Variants in HSPA4 observed in about 807,000 individuals in gnomAD.
HSPA4 encodes the protein heat shock protein family A (Hsp70) member 4.
In HSPA4, 25 loss-of-function variants were observed where a neutral mutation model predicts 106.2. The ratio of observed to expected loss-of-function variants is 0.24; its 90% CI spans 0.17 to 0.33. The LOEUF (loss-of-function observed/expected upper bound fraction) is 0.33, where lower values mean the gene tolerates loss of function less well. HSPA4 is among the 10% of genes least tolerant of loss of function. HSPA4 has a pLI of 1.00. For missense variants in HSPA4, 841 were observed against 996.0 expected, an observed-to-expected ratio of 0.84 and a Z score of 2.10; for synonymous variants, 332 against 333.6, an observed-to-expected ratio of 1.00 and a Z score of 0.05.
rs540903929 is a variant in HSPA4 at position 133,074,137 on chromosome 5, A to AT, written c.663+19dup. On this transcript the variant is annotated intron_variant, in intron 6 of 18. Coordinates refer to ENST00000304858, the MANE Select transcript of HSPA4 (RefSeq NM_002154.4). ...AGAGGAAAACTGAAAGTAAGTATAT[A>AT]TTTTTTTTCCAGAAGACTGTTAGTA... is the stretch of plus-strand genomic sequence containing the variant. 886 of 1,565,050 alleles carry AT rather than the reference A, an allele frequency of 5.7e-4. 2 individuals carry two copies. The highest frequency in any genetic ancestry group is 1.2e-3 in the Admixed American group (59 of 49,708).
At chr5:133,068,865 GC>G (rs1354476616) in intron 3 of HSPA4, among the ~76,000 whole-genome samples, 1 of 151,902 alleles carries the variant, frequency 6.6e-6, no homozygotes, top group African/African-American at 2.4e-5. Flanking sequence ...ACAAGTAGAT[GC>G]AAGTCTAAAA....
chr5:133,063,046 G>T (rs1156393099), intron 1 of HSPA4, among the ~76,000 whole-genome samples: 1 of 152,138 alleles, frequency 6.6e-6, no homozygotes, highest in South Asian at 2.1e-4. Flanking sequence ...ATCACCTAGA[G>T]TCCTGACTTC....
intron 12 of HSPA4, 49 bp downstream of exon 12, chr5:133,091,423 C>G (rs376561760): frequency 6.9e-7 from 1 of 1,439,168 alleles, no homozygotes; most frequent in African/African-American, 1.4e-5. Flanking sequence ...GGTGACTTGT[C>G]TAGAAATTGT....
At chr5:133,062,927 C>T (rs1765262059) in intron 1 of HSPA4, among the ~76,000 whole-genome samples, 1 of 152,148 alleles carries the variant, frequency 6.6e-6, no homozygotes, top group Non-Finnish European at 1.5e-5. Context: ...AGTAGTTCAT[C>T]TAATTTAGTC....
intron 1 of HSPA4, among the ~76,000 whole-genome samples, chr5:133,061,699 A>C (rs1463276243): frequency 6.6e-6 from 1 of 151,860 alleles, no homozygotes; most frequent in Non-Finnish European, 1.5e-5. Flanking sequence ...GGCTCACTAC[A>C]ACCTCCACAT....
chr5:133,065,859 T>A (rs1164404266), intron 2 of HSPA4, among the ~76,000 whole-genome samples: 1 of 152,186 alleles, frequency 6.6e-6, no homozygotes, highest in African/African-American at 2.4e-5. Context: ...GTCTGAGATA[T>A]CTGTAAAATT....
chr5:133,071,176 CAA>C (rs1056065584), intron 4 of HSPA4, among the ~76,000 whole-genome samples: 41 of 145,868 alleles, frequency 2.8e-4, no homozygotes, highest in African/African-American at 8.1e-4. Context: ...GCGTTAAAGA[CAA>C]AGGCAAGGAC....
intron 8 of HSPA4, among the ~76,000 whole-genome samples, chr5:133,087,660 G>T (rs555655229): frequency 6.6e-6 from 1 of 152,264 alleles, no homozygotes; most frequent in African/African-American, 2.4e-5. Flanking sequence ...GTCTTGCTCT[G>T]TCACCCAGGC....
In HSPA4 at chr5:133,104,178, CTTGTAAAA is replaced by C. The variant is rs1765825590; in HGVS notation, c.2320-52_2320-45del. 3 of 1,565,740 alleles carry C rather than the reference CTTGTAAAA, an allele frequency of 1.9e-6. No homozygotes were observed. The East Asian group carries it at 6.7e-5, about 35-fold the overall frequency. On this transcript the variant is annotated intron_variant, in intron 18 of 18. Transcript: ENST00000304858. Reference sequence around the variant, plus strand: ...GAGGGCGGATTTGGGTTTAGCATGGCTTGTAAAATTTGTTAATTTTATAAGAAACCAGT... The same window carrying C: ...GAGGGCGGATTTGGGTTTAGCATGGCTTTGTTAATTTTATAAGAAACCAGT...
chr5:133,072,403 T>G (rs1350455395), intron 4 of HSPA4, among the ~76,000 whole-genome samples: 1 of 141,038 alleles, frequency 7.1e-6, no homozygotes. Context: ...TTTTTTTTTT[T>G]TTTTTTTTTT....
intron 6 of HSPA4, 56 bp downstream of exon 6, chr5:133,074,182 T>G (rs989695812): frequency 1.8e-5 from 21 of 1,199,786 alleles, no homozygotes; most frequent in Non-Finnish European, 2.5e-5. Flanking sequence ...TTATGAAATT[T>G]TGAGAGACAA....
Position 133,101,554 on chromosome 5 carries a change from T to G in HSPA4, c.2038-205T>G, listed in dbSNP as rs566008224. On this transcript the variant is annotated intron_variant, in intron 16 of 18. Coordinates refer to ENST00000304858, the MANE Select transcript of HSPA4 (RefSeq NM_002154.4). ...TGTTTTGAGGGCTCAGGTGACAAATTGAAGCGATTCCAGATGGATCAGTGT... is the reference window on the plus strand; with the variant it reads ...TGTTTTGAGGGCTCAGGTGACAAATGGAAGCGATTCCAGATGGATCAGTGT... 1.5e-4 allele frequency: 67 copies of G among 449,226 alleles called. No individual in the cohort carries two copies. In the South Asian group the frequency reaches 1.8e-3, roughly 12 times the overall value. The allele number at this position is 449,226 out of a possible 1,614,324, so 27.8% of individuals were successfully genotyped here.
At chr5:133,073,400 G>A in intron 5 of HSPA4, 71 bp downstream of exon 5, 2 of 1,048,852 alleles carry the variant, frequency 1.9e-6, no homozygotes, top group African/African-American at 1.6e-5. Flanking sequence ...AAACCCTGGG[G>A]TTTCTTGCTC....
intron 7 of HSPA4, among the ~76,000 whole-genome samples, chr5:133,084,474 T>TA (rs1303432758): frequency 6.6e-6 from 1 of 152,180 alleles, no homozygotes; most frequent in Non-Finnish European, 1.5e-5. Flanking sequence ...TATACTTTAC[T>TA]ATTCTTTTTT....
At chr5:133,075,389 A>G (rs1424386799) in intron 6 of HSPA4, among the ~76,000 whole-genome samples, 1 of 152,104 alleles carries the variant, frequency 6.6e-6, no homozygotes, top group Non-Finnish European at 1.5e-5. Flanking sequence ...GTTTTTCTAA[A>G]TTGTCCTTCT....
rs1352563340 is a variant in HSPA4, at chr5:133,099,636, A to C, written c.2021A>C (p.Lys674Thr). ...CAGCCAAAGCAAGTTTATGTTGATA[A>C]GTTGGCTGAATTAAAAGTAAGTGAC... ...EDQPKQVYVD[K>T]LAELKNLGQP... Residue 674 changes from lysine to threonine, a missense_variant, in exon 16 of 19, where the codon AAG becomes ACG. Around this residue, in one of 5 missense-constraint regions of HSPA4, gnomAD observed 328 missense variants for 372.2 expected, o/e 0.88. Transcript: ENST00000304858. The C allele has an allele frequency of 1.9e-6, 3 of 1,589,968 alleles. No individual in the cohort carries two copies. The Admixed American group carries it at 5.0e-5, about 27-fold the overall frequency.
chr5:133,074,638 A>G (rs981774846), intron 6 of HSPA4, among the ~76,000 whole-genome samples: 32 of 152,176 alleles, frequency 2.1e-4, no homozygotes, highest in African/African-American at 7.5e-4. Flanking sequence ...AGAGGGTGGT[A>G]CAGGTGCTCT....
intron 7 of HSPA4, among the ~76,000 whole-genome samples, chr5:133,085,011 GT>G (rs1188795826): frequency 6.6e-6 from 1 of 151,970 alleles, no homozygotes; most frequent in African/African-American, 2.4e-5. Flanking sequence ...GTTTTGCTGT[GT>G]TGTCCAGGCT....
intron 1 of HSPA4, among the ~76,000 whole-genome samples, chr5:133,055,959 T>G (rs536015394): frequency 9.7e-4 from 148 of 152,210 alleles, no homozygotes; most frequent in Non-Finnish European, 1.5e-3. Context: ...GCGCCTGTGG[T>G]CCCAGCTACT....
Sources: allele counts gnomAD v4.1 joint callset (sites outside exome capture counted in the v4.1 genomes callset), GRCh38; gene constraint gnomAD v4.1.1; regional missense constraint gnomAD v4.1.1; transcripts MANE v1.5; gene names NCBI Gene and HGNC (gene_info 2026-07-23, HGNC 2026-07-21).